The following CRYAB variants were observed in gnomAD, a reference collection of about 807,000 sequenced individuals.
CRYAB encodes the protein alpha-crystallin B chain.
Under a neutral mutation model 12.7 loss-of-function variants are expected in CRYAB, and 9 were observed. The observed-to-expected ratio is 0.71, with a 90% CI of 0.43 to 1.24. The LOEUF (loss-of-function observed/expected upper bound fraction) is 1.24. Ranked by LOEUF, CRYAB falls within the 50% of genes most tolerant of loss-of-function variation. CRYAB has a pLI of 0.00. For synonymous variants in CRYAB, 93 were observed against 86.8 expected (o/e 1.07, Z -0.40); for missense variants, 183 against 226.6 (o/e 0.81, Z 1.24).
chr11:111,913,736 G>A, upstream of CRYAB: 1 of 1,614,038 alleles, frequency 6.2e-7, no homozygotes, highest in South Asian at 1.1e-5. Flanking sequence ...TCGACCCCTG[G>A]CGAGTCCGAG....
intron 1 of CRYAB, chr11:111,919,283 G>A: frequency 2.4e-6 from 1 of 414,134 alleles, no homozygotes; most frequent in South Asian, 3.1e-5. Flanking sequence ...GACCATCCTA[G>A]CCAACATGGT....
At chr11:111,918,394 T>C (rs1280898288) in intron 1 of CRYAB, among the ~76,000 whole-genome samples, 1 of 152,160 alleles carries the variant, frequency 6.6e-6, no homozygotes, top group Non-Finnish European at 1.5e-5. Context: ...AAAGGTTAAG[T>C]GATTTGCCCA....
At chr11:111,911,316 G>GA (rs1324637664) in intron 1 of CRYAB, among the ~76,000 whole-genome samples, 4 of 152,148 alleles carry the variant, frequency 2.6e-5, no homozygotes, top group Non-Finnish European at 4.4e-5. Context: ...GACAGTGCAT[G>GA]AAAAAATGTA....
chr11:111,916,404 G>A (rs1187066709), upstream of CRYAB, among the ~76,000 whole-genome samples: 1 of 151,262 alleles, frequency 6.6e-6, no homozygotes, highest in Non-Finnish European at 1.5e-5. Context: ...CTAATTTTTT[G>A]TAGAGACTGG....
upstream of CRYAB, chr11:111,918,039 G>A (rs1965624397): frequency 6.6e-6 from 1 of 152,148 alleles, no homozygotes; most frequent in Non-Finnish European, 1.5e-5. Flanking sequence ...GTGCAGAGCT[G>A]AGTGGTGGGC....
At chr11:111,918,944 C>T (rs1555166290) in intron 1 of CRYAB, 3 of 1,613,990 alleles carry the variant, frequency 1.9e-6, no homozygotes, top group Admixed American at 3.3e-5. Context: ...TGCATAAAAA[C>T]AGCTGGGCTC....
At chr11:111,913,274 C>T (rs1479424336), upstream of CRYAB, 4 of 657,244 alleles carry the variant, frequency 6.1e-6, no homozygotes, top group African/African-American at 1.8e-5. Flanking sequence ...TTCCCCTCTT[C>T]CGAGCTGCCT....
At chr11:111,919,245 C>CCGAGGT (rs1965648082) in intron 1 of CRYAB, 6 of 529,792 alleles carry the variant, frequency 1.1e-5, no homozygotes, top group Non-Finnish European at 2.1e-5. Flanking sequence ...GAGGCCGAGG[C>CCGAGGT]CGGCGGATCA....
chr11:111,912,975 T>TG (rs1555165806), upstream of CRYAB: 3 of 1,154,992 alleles, frequency 2.6e-6, no homozygotes, highest in South Asian at 1.3e-5. Context: ...CCTGAAATTC[T>TG]GGGCTGACCT....
chr11:111,911,162 T>C (rs945837829), intron 1 of CRYAB, among the ~76,000 whole-genome samples: 1 of 152,138 alleles, frequency 6.6e-6, no homozygotes, highest in Non-Finnish European at 1.5e-5. Context: ...CTCTGAAACC[T>C]GAGATGGTAA....
chr11:111,917,318 G>A (rs1159032576), upstream of CRYAB, among the ~76,000 whole-genome samples: 1 of 152,184 alleles, frequency 6.6e-6, no homozygotes, highest in Non-Finnish European at 1.5e-5. Flanking sequence ...GGAGGAGAAG[G>A]AGTGGGTAAC....
chr11:111,912,781 G>A (rs1555165735), upstream of CRYAB: 1 of 1,465,600 alleles, frequency 6.8e-7, no homozygotes, highest in East Asian at 2.4e-5. Flanking sequence ...GTCGCGCTGC[G>A]CCTGTTGGGG....
chr11:111,914,425 T>A (rs1160507685), upstream of CRYAB, among the ~76,000 whole-genome samples: 1 of 152,098 alleles, frequency 6.6e-6, no homozygotes, highest in Non-Finnish European at 1.5e-5. Context: ...CCTTTTTGGG[T>A]AGGGGCTGGG....
chr11:111,915,043 C>G (rs1241804588), upstream of CRYAB, among the ~76,000 whole-genome samples: 2 of 152,230 alleles, frequency 1.3e-5, no homozygotes, highest in African/African-American at 4.8e-5. Flanking sequence ...GCACTCCAGC[C>G]TGGGTGACAG....
At chr11:111,919,530 A>C (rs1555166355) in intron 1 of CRYAB, among the ~76,000 whole-genome samples, 1 of 152,066 alleles carries the variant, frequency 6.6e-6, no homozygotes, top group Non-Finnish European at 1.5e-5. Context: ...TGGCCAGAGC[A>C]GGGCAGGAAT....
intron 1 of CRYAB, chr11:111,918,648 A>C (rs2137396306): frequency 1.5e-6 from 1 of 675,704 alleles, no homozygotes; most frequent in East Asian, 2.7e-5. Flanking sequence ...AGCATTTCGT[A>C]AGGAAACCAA....
intron 1 of CRYAB, among the ~76,000 whole-genome samples, chr11:111,920,141 G>A (rs1555166399): frequency 2.5e-4 from 38 of 152,058 alleles, no homozygotes; most frequent in Non-Finnish European, 1.5e-5. Flanking sequence ...CTTGCAGTGA[G>A]CCGAGATTGC....
chr11:111,911,795 A>G, upstream of CRYAB: 1 of 1,030,758 alleles, frequency 9.7e-7, no homozygotes. Context: ...CCAGCCCCTT[A>G]TATATGCAGT....
chr11:111,913,683 G>T, upstream of CRYAB: 1 of 1,614,152 alleles, frequency 6.2e-7, no homozygotes, highest in Non-Finnish European at 8.5e-7. Flanking sequence ...CCACGGCTTC[G>T]TGTCCCGAGA....
Sources: allele counts gnomAD v4.1 joint callset (sites outside exome capture counted in the v4.1 genomes callset), GRCh38; gene constraint gnomAD v4.1.1; transcripts MANE v1.5; gene names NCBI Gene and HGNC (gene_info 2026-07-23, HGNC 2026-07-21).